CHST13: variants seen among roughly 807,000 people sequenced by gnomAD.
The protein encoded by CHST13 is carbohydrate sulfotransferase 13, also known as C4ST-3.
A neutral mutation model predicts 7.0 loss-of-function variants in CHST13; 1 was observed. The observed-to-expected ratio is 0.14, with a 90% CI of 0.05 to 0.68. The LOEUF (loss-of-function observed/expected upper bound fraction) is 0.68. Among genes scored for constraint, CHST13 ranks in the 30% least tolerant of loss-of-function variants. CHST13 has a pLI of 0.82. For missense variants in CHST13, 572 were observed against 507.9 expected, an observed-to-expected ratio of 1.13 and a Z score of -1.21; for synonymous variants, 257 against 240.9, an observed-to-expected ratio of 1.07 and a Z score of -0.62.
At chr3:126,539,857 ACACCCC>A in intron 2 of CHST13, among the ~76,000 whole-genome samples, 1 of 37,166 alleles carries the variant, frequency 2.7e-5, no homozygotes, top group African/African-American at 1.4e-4. Context: ...TCACACACAC[ACACCCC>A]ACACCACACA....
At chr3:126,534,361 G>A (rs1311803806) in intron 1 of CHST13, among the ~76,000 whole-genome samples, 3 of 152,156 alleles carry the variant, frequency 2.0e-5, no homozygotes, top group African/African-American at 7.2e-5. Flanking sequence ...ACTTATAATA[G>A]TTCTAGGAAA....
Position 126,541,969 on chromosome 3 carries a change from C to A in CHST13, c.417C>A (p.Ser139=). Residue 139 remains serine (S), a synonymous_variant, in exon 3 of 3, where the codon TCC becomes TCA. Transcript: ENST00000319340. ...GQARGDPRAI[S]AQEAHAPGRL... is the part of the protein sequence containing the mutation. ...CCCGCGGCGACCCGCGCGCCATCTC[C>A]GCGCAAGAGGCGCACGCGCCTGGCC... is the stretch of plus-strand genomic sequence containing the variant. The A allele has an allele frequency of 6.3e-7, 1 of 1,581,834 alleles. No individual in the cohort carries two copies. The highest frequency in any genetic ancestry group is 8.6e-7 in the Non-Finnish European group (1 of 1,166,436).
intron 1 of CHST13, chr3:126,526,875 T>C (rs1365843522): frequency 1.3e-5 from 2 of 152,370 alleles, no homozygotes; most frequent in East Asian, 3.8e-4. Context: ...CTCTGTGTTT[T>C]TGCCTGGGCA....
chr3:126,534,506 AACAG>A (rs1324401079), intron 1 of CHST13, among the ~76,000 whole-genome samples: 3 of 147,482 alleles, frequency 2.0e-5, no homozygotes, highest in Admixed American at 1.4e-4. Context: ...CTAGCAGAAA[AACAG>A]ACAGCATCCC....
intron 2 of CHST13, among the ~76,000 whole-genome samples, chr3:126,537,539 C>G (rs540185529): frequency 6.6e-6 from 1 of 152,262 alleles, no homozygotes; most frequent in South Asian, 2.1e-4. Flanking sequence ...CTGGCCCAAG[C>G]CTACAAGCAG....
At chr3:126,533,060 T>C (rs1936691183) in intron 1 of CHST13, among the ~76,000 whole-genome samples, 1 of 152,254 alleles carries the variant, frequency 6.6e-6, no homozygotes, top group African/African-American at 2.4e-5. Flanking sequence ...TAGAATATAA[T>C]TGACTTTTGT....
At chr3:126,529,168 G>T in intron 1 of CHST13, 1 of 552,758 alleles carries the variant, frequency 1.8e-6, no homozygotes, top group Non-Finnish European at 3.1e-6. Context: ...GGCTGAGGTG[G>T]GTGTGCAGAG....
At chr3:126,530,944 G>A (rs115628612) in intron 1 of CHST13, among the ~76,000 whole-genome samples, 2,191 of 152,374 alleles carry the variant, frequency 0.014, 43 homozygotes, top group African/African-American at 0.048. Context: ...GCCTGAGGCA[G>A]GCAGGGGGCA....
rs781562956 is a variant in CHST13, at chr3:126,542,429, C to T, written c.877C>T (p.Arg293Trp). 1.4e-5 allele frequency: 22 copies of T among 1,554,790 alleles called. No individual in the cohort carries two copies. The highest frequency in any genetic ancestry group is 1.7e-5 in the Non-Finnish European group (20 of 1,152,992). ...CGACCTGAGCTTCCCTGGGCCGCCG[C>T]GGCCCCGGGGAGCCGCCGCCTCCCG... ...ASDLSFPGPP[R>W]PRGAAASRDL... Residue 293 changes from arginine (R) to tryptophan (W), a missense_variant, in exon 3 of 3, where the codon CGG (arginine) becomes TGG (tryptophan). Physicochemically the swap from Arg to Trp is moderately radical, Grantham distance 101 (BLOSUM62 -3). Coordinates refer to ENST00000319340, the MANE Select transcript of CHST13 (RefSeq NM_152889.3).
At chr3:126,537,988 C>T (rs138745480) in intron 2 of CHST13, among the ~76,000 whole-genome samples, 61 of 152,280 alleles carry the variant, frequency 4.0e-4, no homozygotes, top group Non-Finnish European at 8.1e-4. Context: ...GGTGCAGCCC[C>T]GGACAGTGGA....
Position 126,542,316 on chromosome 3 carries a change from A to G in CHST13, c.764A>G (p.His255Arg). The part of the protein sequence containing the change: ...EHWERAHALC[H>R]PCRLRYDVVG... ...TGGGAGCGCGCGCACGCGCTCTGCCACCCGTGTCGCCTCCGCTACGACGTC... is the reference window on the plus strand; with the variant it reads ...TGGGAGCGCGCGCACGCGCTCTGCCGCCCGTGTCGCCTCCGCTACGACGTC... Residue 255 changes from histidine to arginine, a missense_variant, in exon 3 of 3, where the codon CAC (histidine) becomes CGC (arginine). His to Arg is a conservative substitution (Grantham distance 29). Transcript: ENST00000319340. 1 of 1,568,312 alleles carries G rather than the reference A, an allele frequency of 6.4e-7. No individual in the cohort carries two copies. The highest frequency in any genetic ancestry group is 8.6e-7 in the Non-Finnish European group (1 of 1,160,546).
Position 126,542,489 on chromosome 3 carries a change from C to G in CHST13, c.937C>G (p.Pro313Ala), listed in dbSNP as rs148180435. Residue 313 changes from proline (P) to alanine (A), a missense_variant, in exon 3 of 3, where the codon CCC becomes GCC. Pro to Ala is a conservative substitution (Grantham distance 27). Coordinates refer to ENST00000319340, the MANE Select transcript of CHST13 (RefSeq NM_152889.3). ...AGCGCGCCTCTTCCGGGACATCAGC[C>G]CCTTCTACCAGCGGCGCCTCTTCGA... ...LAARLFRDIS[P>A]FYQRRLFDLY... is the part of the protein sequence containing the mutation. 1.3e-6 allele frequency: 2 copies of G among 1,582,842 alleles called. No homozygotes were observed. The highest frequency in any genetic ancestry group is 1.7e-6 in the Non-Finnish European group (2 of 1,168,232).
chr3:126,533,710 G>T (rs554994853), intron 1 of CHST13, among the ~76,000 whole-genome samples: 2 of 152,022 alleles, frequency 1.3e-5, no homozygotes, highest in African/African-American at 4.8e-5. Context: ...TGTCTGGTTT[G>T]GTCATCTAGA....
At chr3:126,528,849 T>C (rs1035815567) in intron 1 of CHST13, among the ~76,000 whole-genome samples, 4 of 152,198 alleles carry the variant, frequency 2.6e-5, no homozygotes, top group African/African-American at 4.8e-5. Context: ...GTCCTTCCCT[T>C]GGGCCTGATC....
chr3:126,526,683 C>T, intron 1 of CHST13, among the ~76,000 whole-genome samples: 1 of 152,336 alleles, frequency 6.6e-6, no homozygotes, highest in East Asian at 1.9e-4. Flanking sequence ...GCCACAGCCT[C>T]AGCCCCAGGG....
At chr3:126,539,679 CCA>C (rs1428956389) in intron 2 of CHST13, among the ~76,000 whole-genome samples, 27 of 124,686 alleles carry the variant, frequency 2.2e-4, no homozygotes, top group African/African-American at 7.6e-4. Flanking sequence ...AGCACATACA[CCA>C]CAGACACCAC....
At chr3:126,535,154 C>CTAGAGA in intron 1 of CHST13, among the ~76,000 whole-genome samples, 4 of 132,170 alleles carry the variant, frequency 3.0e-5, no homozygotes, top group African/African-American at 1.1e-4. Context: ...CTGTCCCCAG[C>CTAGAGA]CGGGAGACAG....
chr3:126,525,021 TTGCTCTGAGTCTC>T (rs1333504792), intron 1 of CHST13, among the ~76,000 whole-genome samples: 4 of 152,146 alleles, frequency 2.6e-5, no homozygotes, highest in Non-Finnish European at 5.9e-5. Context: ...TGCTGAGTCT[TTGCTCTGAGTCTC>T]TCCTCAGCTC....
intron 2 of CHST13, among the ~76,000 whole-genome samples, chr3:126,537,388 G>C (rs1223716029): frequency 6.6e-6 from 1 of 152,234 alleles, no homozygotes; most frequent in Non-Finnish European, 1.5e-5. Flanking sequence ...GCCATGCAAG[G>C]TTTTAAGCAA....
Sources: gnomAD v4.1 joint callset for allele counts (sites outside exome capture counted in the v4.1 genomes callset) on GRCh38, gnomAD v4.1.1 for gene constraint, MANE v1.5 for transcripts, NCBI Gene and HGNC (gene_info 2026-07-23, HGNC 2026-07-21) for gene names.